The following RANBP2 variants were observed in gnomAD, a reference collection of about 807,000 sequenced individuals.
RANBP2 encodes the protein RAN binding protein 2.
Under a neutral mutation model 303.6 loss-of-function variants are expected in RANBP2, and 57 were observed. The ratio of observed to expected loss-of-function variants is 0.19; its 90% CI spans 0.15 to 0.23. The LOEUF (loss-of-function observed/expected upper bound fraction) is 0.23. Ranked by LOEUF, RANBP2 falls within the 10% of genes least tolerant of loss-of-function variation. RANBP2 has a pLI of 1.00. For synonymous variants in RANBP2, 1,167 were observed against 1,301.5 expected (o/e 0.90, Z 2.23); for missense variants, 3,138 against 3,780.8 (o/e 0.83, Z 4.46).
At chr2:109,016,505 T>C in the RANBP2 span, among the ~76,000 whole-genome samples, 657 of 152,326 alleles carry the variant, frequency 4.3e-3, 4 homozygotes, top group African/African-American at 0.015. Context: ...ACCATGTGAC[T>C]TGCTTTGGCC....
At chr2:109,645,805 T>C in the RANBP2 span, among the ~76,000 whole-genome samples, 4 of 152,192 alleles carry the variant, frequency 2.6e-5, no homozygotes, top group Non-Finnish European at 5.9e-5. Context: ...AAGCTGTGTC[T>C]ATACCCGGTA....
chr2:109,207,287 CTG>C, the RANBP2 span, among the ~76,000 whole-genome samples: 1,357 of 152,036 alleles, frequency 8.9e-3, 25 homozygotes, highest in African/African-American at 0.031. Context: ...TTAGAGTAAG[CTG>C]TGTGTCTGAT....
chr2:109,612,466 G>A, the RANBP2 span, among the ~76,000 whole-genome samples: 1 of 152,168 alleles, frequency 6.6e-6, no homozygotes, highest in African/African-American at 2.4e-5. Flanking sequence ...GGTGGATAAA[G>A]GGTACAGGGT....
chr2:109,178,174 G>A, the RANBP2 span, among the ~76,000 whole-genome samples: 4 of 152,074 alleles, frequency 2.6e-5, no homozygotes, highest in Admixed American at 1.3e-4. Flanking sequence ...AAAATATGAG[G>A]CACCAATGTA....
chr2:108,907,726 C>T, the RANBP2 span: 1 of 1,003,394 alleles, frequency 1.0e-6, no homozygotes, highest in Non-Finnish European at 1.6e-6. Context: ...TGTCACTGTC[C>T]AGGTCTCCTA....
chr2:109,722,677 C>T, the RANBP2 span, among the ~76,000 whole-genome samples: 2 of 152,184 alleles, frequency 1.3e-5, no homozygotes, highest in Non-Finnish European at 2.9e-5. Flanking sequence ...TTGTTCCCCA[C>T]CATGTGTCCT....
the RANBP2 span, among the ~76,000 whole-genome samples, chr2:109,475,592 C>T: frequency 4.3e-4 from 66 of 152,330 alleles, no homozygotes; most frequent in African/African-American, 1.5e-3. Flanking sequence ...CAGGGCTTCT[C>T]AACCTTGGCA....
At chr2:108,995,378 G>A in the RANBP2 span, among the ~76,000 whole-genome samples, 1 of 152,192 alleles carries the variant, frequency 6.6e-6, no homozygotes, top group Non-Finnish European at 1.5e-5. Flanking sequence ...TAAGGCAGAG[G>A]AACGATTGAT....
At chr2:109,427,138 T>G in the RANBP2 span, among the ~76,000 whole-genome samples, 1 of 152,002 alleles carries the variant, frequency 6.6e-6, no homozygotes, top group South Asian at 2.1e-4. Flanking sequence ...TGGGCTAATT[T>G]TCGTCTTTTT....
chr2:108,925,566 T>C, the RANBP2 span, among the ~76,000 whole-genome samples: 1 of 152,170 alleles, frequency 6.6e-6, no homozygotes, highest in Non-Finnish European at 1.5e-5. Flanking sequence ...TGTGTATGGG[T>C]CAAGCTATGC....
At chr2:109,585,698 G>C in the RANBP2 span, 1 of 1,487,090 alleles carries the variant, frequency 6.7e-7, no homozygotes, top group East Asian at 2.3e-5. Flanking sequence ...GAACAACTTA[G>C]AGGAAGAGTA....
At chr2:109,275,634 G>A in the RANBP2 span, among the ~76,000 whole-genome samples, 27 of 152,328 alleles carry the variant, frequency 1.8e-4, no homozygotes, top group South Asian at 5.6e-3. Flanking sequence ...GGGAACGGTT[G>A]CACTTCCAAG....
the RANBP2 span, among the ~76,000 whole-genome samples, chr2:109,418,524 C>T: frequency 3.9e-5 from 6 of 152,178 alleles, no homozygotes; most frequent in South Asian, 1.2e-3. Flanking sequence ...ACTCCTGTCA[C>T]TGCTCCGTCC....
At chr2:109,077,626 C>T in the RANBP2 span, among the ~76,000 whole-genome samples, 1 of 150,244 alleles carries the variant, frequency 6.7e-6, no homozygotes, top group Non-Finnish European at 1.5e-5. Flanking sequence ...GATGAATAAC[C>T]TGATTAAAAA....
the RANBP2 span, among the ~76,000 whole-genome samples, chr2:109,561,894 C>T: frequency 6.6e-6 from 1 of 152,094 alleles, no homozygotes; most frequent in Non-Finnish European, 1.5e-5. Flanking sequence ...TCACTGTAAT[C>T]CCATCACTTC....
At chr2:109,029,358 G>C in the RANBP2 span, among the ~76,000 whole-genome samples, 1 of 152,152 alleles carries the variant, frequency 6.6e-6, no homozygotes, top group African/African-American at 2.4e-5. Context: ...GGAGAGGGAT[G>C]ATGAGGGACC....
the RANBP2 span, chr2:109,614,533 C>A: frequency 7.8e-7 from 1 of 1,287,908 alleles, no homozygotes; most frequent in African/African-American, 1.6e-5. Flanking sequence ...GCGCTGGGCC[C>A]CGAGGCGGTG....
At chr2:109,601,765 T>TA in the RANBP2 span, among the ~76,000 whole-genome samples, 468 of 143,802 alleles carry the variant, frequency 3.3e-3, no homozygotes, top group African/African-American at 9.1e-3. Flanking sequence ...ACCCTGAAGT[T>TA]AAAAAAAAAA....
At chr2:108,860,901 G>T in the RANBP2 span, among the ~76,000 whole-genome samples, 4 of 130,352 alleles carry the variant, frequency 3.1e-5, no homozygotes, top group East Asian at 7.5e-4. Flanking sequence ...TGTTCATCTG[G>T]TAGAATTTGG....
Sources: gnomAD v4.1 joint callset for allele counts (sites outside exome capture counted in the v4.1 genomes callset) on GRCh38, gnomAD v4.1.1 for gene constraint, MANE v1.5 for transcripts, NCBI Gene and HGNC (gene_info 2026-07-23, HGNC 2026-07-21) for gene names.